TBX19: variants seen among roughly 807,000 people sequenced by gnomAD.
TBX19 encodes the protein T-box transcription factor TBX19.
TBX19 carries 33 observed loss-of-function variants against 40.9 expected under a neutral mutation model. The ratio of observed to expected loss-of-function variants is 0.81; its 90% CI spans 0.61 to 1.08. The LOEUF is 1.08. TBX19 is among the 50% of genes least tolerant of loss of function. The pLI is 0.00. For synonymous variants in TBX19, 220 were observed against 225.0 expected (o/e 0.98, Z 0.20); for missense variants, 494 against 574.0 (o/e 0.86, Z 1.42).
At chr1:168,308,540 C>G (rs150681871) in intron 6 of TBX19, 1 of 626,424 alleles carries the variant, frequency 1.6e-6, no homozygotes, top group East Asian at 2.9e-5. Flanking sequence ...GAAGATTAAA[C>G]TATGAATGAC....
chr1:168,299,309 C>A (rs1005496179), intron 4 of TBX19, among the ~76,000 whole-genome samples: 14 of 152,114 alleles, frequency 9.2e-5, no homozygotes, highest in African/African-American at 3.4e-4. Context: ...ATATGATTAT[C>A]TTTTTAATGT....
chr1:168,312,194 T>A (rs531683353), intron 7 of TBX19, among the ~76,000 whole-genome samples: 1 of 152,296 alleles, frequency 6.6e-6, no homozygotes, highest in African/African-American at 2.4e-5. Flanking sequence ...GTAGGTAAAA[T>A]TATGAATCCA....
intron 5 of TBX19, among the ~76,000 whole-genome samples, chr1:168,302,440 A>G (rs1242113867): frequency 6.6e-6 from 1 of 152,198 alleles, no homozygotes; most frequent in Non-Finnish European, 1.5e-5. Context: ...CTTAAGGAAC[A>G]GCTCTGTTTC....
intron 3 of TBX19, among the ~76,000 whole-genome samples, chr1:168,294,375 G>A (rs768532996): frequency 6.0e-4 from 90 of 151,240 alleles, no homozygotes; most frequent in African/African-American, 1.8e-3. Flanking sequence ...CTCTTGTTGC[G>A]CAGGCTGGAG....
At chr1:168,305,281 A>C (rs1649374517) in intron 6 of TBX19, 85 bp downstream of exon 6, 8 of 1,331,414 alleles carry the variant, frequency 6.0e-6, no homozygotes, top group Non-Finnish European at 8.5e-6. Context: ...TAGGAAAAGG[A>C]GTAGCTAAAG....
Position 168,305,095 on chromosome 1 carries a change from C to T in TBX19, c.815C>T (p.Ala272Val), listed in dbSNP as rs1419207297. The change falls in exon 6 of 8, where the codon GCT (alanine) becomes GTT (valine). Residue 272 changes from alanine (A) to valine (V), a missense_variant. Ala to Val is a moderately conservative substitution (Grantham distance 64). This residue lies in a region of TBX19 where 284 missense variants were observed against 307.3 expected (regional missense o/e 0.92). Coordinates refer to ENST00000367821, the MANE Select transcript of TBX19 (RefSeq NM_005149.3). ...TATGCCGCTCCTCTGCCTCTGCCTG[C>T]TCCCCACACCCACCATGGCTGTGAG... ...YQYAAPLPLP[A>V]PHTHHGCEHY... 1.9e-6 allele frequency: 3 copies of T among 1,614,058 alleles called. No homozygotes were observed. The highest frequency in any genetic ancestry group is 2.2e-5 in the East Asian group (1 of 44,896).
rs73037989 is a variant in TBX19 at position 168,307,009 on chromosome 1, C to T, written c.917-1733C>T. ...GGCAGGGGTAAAAGGTGGAGGATGA[C>T]ATGTGCCAAAGGCAGAGGTGCAGGG... On this transcript the variant is annotated intron_variant, in intron 6 of 7. Transcript: ENST00000367821. Among the ~76,000 whole-genome samples the T allele has an allele frequency of 6.0e-3, 911 of 152,120 alleles. 6 individuals carry two copies. Among genetic ancestry groups the T allele is most frequent in the African/African-American group, 0.02 (843 of 41,484 alleles).
chr1:168,308,961 A>C, intron 7 of TBX19, 84 bp downstream of exon 7: 1 of 1,598,780 alleles, frequency 6.3e-7, no homozygotes, highest in Non-Finnish European at 8.6e-7. Flanking sequence ...TCTTTTTCCT[A>C]GGGTGGCTTG....
At chr1:168,309,483 G>T (rs1320930072) in intron 7 of TBX19, among the ~76,000 whole-genome samples, 1 of 152,184 alleles carries the variant, frequency 6.6e-6, no homozygotes, top group Non-Finnish European at 1.5e-5. Flanking sequence ...AATAGATACT[G>T]ACTGTAGAGG....
chr1:168,305,660 G>A (rs1326601456), intron 6 of TBX19, among the ~76,000 whole-genome samples: 1 of 152,172 alleles, frequency 6.6e-6, no homozygotes, highest in Admixed American at 6.5e-5. Flanking sequence ...TATATGTTCA[G>A]GCCTTAGTCT....
At position 168,305,021 on chromosome 1, in the gene TBX19, C is replaced by A; in HGVS notation, c.741C>A (p.Ile247=). ...TGTCTATTTTAGTGGGAGGCTGGATCTTTTCCAATCCAGATGGAGTGTGCA... is the reference window on the plus strand; with the variant it reads ...TGTCTATTTTAGTGGGAGGCTGGATATTTTCCAATCCAGATGGAGTGTGCA... ...HVTYSHLGGW[I]FSNPDGVCTA... Residue 247 remains isoleucine (I), a synonymous_variant, in exon 6 of 8, where the codon ATC becomes ATA. Transcript: ENST00000367821. 2 of 1,614,062 alleles carry A rather than the reference C, an allele frequency of 1.2e-6. No individual in the cohort carries two copies. Among genetic ancestry groups the A allele is most frequent in the Non-Finnish European group, 1.7e-6 (2 of 1,180,008 alleles).
intron 1 of TBX19, among the ~76,000 whole-genome samples, chr1:168,283,237 T>C (rs1388607667): frequency 6.6e-6 from 1 of 152,228 alleles, no homozygotes; most frequent in Non-Finnish European, 1.5e-5. Context: ...ATATTCTTTG[T>C]AGAAAAAGTC....
chr1:168,283,020 A>G lies in TBX19; in HGVS notation c.203+1727A>G, dbSNP rs1648701844. Among the ~76,000 whole-genome samples the G allele has an allele frequency of 2.0e-5, 3 of 152,278 alleles. No individual in the cohort carries two copies. In the South Asian group the frequency reaches 6.2e-4, roughly 32 times the overall value. Reference sequence around the variant, plus strand: ...GTTTTATCTTGCCTTTTTATTGCCTATGTAATTTTCCCCTATATTTAAAAT... The same window carrying G: ...GTTTTATCTTGCCTTTTTATTGCCTGTGTAATTTTCCCCTATATTTAAAAT... On this transcript the variant is annotated intron_variant, in intron 1 of 7. Coordinates refer to ENST00000367821, the MANE Select transcript of TBX19 (RefSeq NM_005149.3).
chr1:168,297,287 C>A (rs1026606636), intron 3 of TBX19, among the ~76,000 whole-genome samples: 2 of 152,190 alleles, frequency 1.3e-5, no homozygotes, highest in Admixed American at 6.5e-5. Context: ...GGGGCAGGAT[C>A]ACACCTGTGC....
intron 3 of TBX19, among the ~76,000 whole-genome samples, chr1:168,296,932 A>G (rs1410388671): frequency 4.6e-5 from 7 of 152,180 alleles, no homozygotes; most frequent in African/African-American, 1.7e-4. Flanking sequence ...TACTCAACAA[A>G]TATTTGCTGG....
At chr1:168,285,469 C>T (rs1401821282) in intron 1 of TBX19, among the ~76,000 whole-genome samples, 1 of 152,246 alleles carries the variant, frequency 6.6e-6, no homozygotes, top group Non-Finnish European at 1.5e-5. Context: ...AACCTCACTT[C>T]TCATAGCCTC....
chr1:168,314,412 A>T lies in TBX19; in HGVS notation c.*1410A>T, dbSNP rs574714236. On this transcript the variant is annotated 3_prime_UTR_variant, in exon 8 of 8. Coordinates refer to ENST00000367821, the MANE Select transcript of TBX19 (RefSeq NM_005149.3). ...TGCCTATTGTAGGTGCCCAATAAAC[A>T]TTTGCTGAACTGAATTGGTGTAATG... The T allele has an allele frequency of 6.6e-6, 1 of 152,664 alleles. No individual in the cohort carries two copies. Among genetic ancestry groups the T allele is most frequent in the African/African-American group, 2.4e-5 (1 of 41,410 alleles). The allele number at this position is 152,664 out of a possible 1,614,324, so 9.5% of individuals were successfully genotyped here. A position where few individuals can be genotyped will look rare whatever the true frequency, so the allele number is the denominator to read the frequency against.
intron 4 of TBX19, among the ~76,000 whole-genome samples, chr1:168,298,826 T>TCCTTC (rs1405724459): frequency 4.1e-5 from 1 of 24,238 alleles, no homozygotes; most frequent in Non-Finnish European, 7.6e-5. Flanking sequence ...TCCCTTCCTT[T>TCCTTC]CTTTCTTTCT....
chr1:168,305,158 A>G lies in TBX19; in HGVS notation c.878A>G (p.Tyr293Cys), dbSNP rs543749935. The G allele has an allele frequency of 2.5e-6, 4 of 1,613,156 alleles. No homozygotes were observed. Among genetic ancestry groups the G allele is most frequent in the Admixed American group, 1.7e-5 (1 of 59,972 alleles). ...SGLRGHRQAP[Y>C]PSAYMHRNHS... ...CTCCGAGGACACCGGCAGGCTCCCT[A>G]CCCTTCTGCGTACATGCACAGAAAC... is the stretch of plus-strand genomic sequence containing the variant. Residue 293 changes from tyrosine to cysteine, a missense_variant, in exon 6 of 8, where the codon TAC (tyrosine) becomes TGC (cysteine). Tyr to Cys is a radical substitution (Grantham distance 194, BLOSUM62 -2). Around this residue, in one of 3 missense-constraint regions of TBX19, gnomAD observed 284 missense variants for 307.3 expected, o/e 0.92. Transcript: ENST00000367821.
Sources: gnomAD v4.1 joint callset for allele counts (sites outside exome capture counted in the v4.1 genomes callset) on GRCh38, gnomAD v4.1.1 for gene constraint, gnomAD v4.1.1 regional missense constraint, MANE v1.5 for transcripts, NCBI Gene and HGNC (gene_info 2026-07-23, HGNC 2026-07-21) for gene names.